The following PCDHGB2 variants were observed in gnomAD, a reference collection of about 807,000 sequenced individuals.
The protein encoded by PCDHGB2 is protocadherin gamma-B2.
In PCDHGB2, 55 loss-of-function variants were observed where a neutral mutation model predicts 59.3. That is an observed-to-expected ratio of 0.93 (90% CI 0.75 to 1.16). The LOEUF (loss-of-function observed/expected upper bound fraction) is 1.16, where lower values mean the gene tolerates loss of function less well. PCDHGB2 is among the 50% of genes most tolerant of loss of function. PCDHGB2 has a pLI of 0.00. For missense variants in PCDHGB2, 1,228 were observed against 1,198.5 expected, an observed-to-expected ratio of 1.02 and a Z score of -0.36; for synonymous variants, 516 against 512.0, an observed-to-expected ratio of 1.01 and a Z score of -0.11.
At chr5:141,395,121 T>C (rs773964445) in intron 1 of PCDHGB2, 1 of 1,614,192 alleles carries the variant, frequency 6.2e-7, no homozygotes, top group East Asian at 2.2e-5. Flanking sequence ...TCACCTGATC[T>C]TTCCCCAGCC....
chr5:141,376,073 G>T, intron 1 of PCDHGB2: 6 of 1,613,508 alleles, frequency 3.7e-6, no homozygotes, highest in South Asian at 1.1e-5. Context: ...CACCGTGGCC[G>T]TGGCCGACAG....
At chr5:141,363,170 G>A (rs1375062586) in intron 1 of PCDHGB2, among the ~76,000 whole-genome samples, 1 of 152,186 alleles carries the variant, frequency 6.6e-6, no homozygotes, top group Non-Finnish European at 1.5e-5. Context: ...TCTCTAACAT[G>A]CATTTTAACA....
chr5:141,494,901 G>C, intron 2 of PCDHGB2, 36 bp downstream of exon 2: 1 of 1,614,050 alleles, frequency 6.2e-7, no homozygotes, highest in Non-Finnish European at 8.5e-7. Context: ...CCTCTTCTCT[G>C]CGGCATTTTC....
intron 1 of PCDHGB2, among the ~76,000 whole-genome samples, chr5:141,425,059 G>A (rs1056925377): frequency 3.3e-5 from 5 of 152,110 alleles, no homozygotes; most frequent in Non-Finnish European, 7.4e-5. Flanking sequence ...CTAGGGCTCG[G>A]ACAAAAATAA....
chr5:141,383,111 G>A (rs1778825572), intron 1 of PCDHGB2: 3 of 1,614,040 alleles, frequency 1.9e-6, no homozygotes, highest in Non-Finnish European at 2.5e-6. Context: ...TCCAGAGGTA[G>A]GACGCAGCTT....
At chr5:141,385,375 T>C (rs1781162127) in intron 1 of PCDHGB2, 2 of 1,523,626 alleles carry the variant, frequency 1.3e-6, no homozygotes, top group South Asian at 1.3e-5. Context: ...GCATGATATT[T>C]CTCTATTATT....
chr5:141,378,080 AT>A (rs1360120738), intron 1 of PCDHGB2: 30 of 152,322 alleles, frequency 2.0e-4, no homozygotes, highest in African/African-American at 7.2e-4. Flanking sequence ...AAATAATTTT[AT>A]AACTTTTTTT....
At chr5:141,428,141 G>C (rs1314061143) in intron 1 of PCDHGB2, 2 of 1,596,500 alleles carry the variant, frequency 1.3e-6, no homozygotes, top group African/African-American at 2.7e-5. Context: ...GCCTGGGGCT[G>C]CACACGGGAA....
Position 141,360,115 on chromosome 5 carries a change from AG to A in PCDHGB2, c.-19del. 1 of 1,568,846 alleles carries A rather than the reference AG, an allele frequency of 6.4e-7. No individual in the cohort carries two copies. The highest frequency in any genetic ancestry group is 8.7e-7 in the Non-Finnish European group (1 of 1,155,730). ...GAAGGCTTATTCCTCCTATGGGCAA[AG>A]GAGCAAAGGGAGCCAGAAGATGAAA... On this transcript the variant is annotated 5_prime_UTR_variant, in exon 1 of 4. Transcript: ENST00000522605.
intron 1 of PCDHGB2, among the ~76,000 whole-genome samples, chr5:141,436,162 G>A (rs1036923915): frequency 2.6e-5 from 4 of 152,142 alleles, no homozygotes; most frequent in African/African-American, 7.2e-5. Flanking sequence ...TTTATCATAT[G>A]GACAGTTCTC....
chr5:141,414,052 T>C, intron 1 of PCDHGB2: 1 of 1,610,346 alleles, frequency 6.2e-7, no homozygotes, highest in Non-Finnish European at 8.5e-7. Flanking sequence ...TGACACGCAA[T>C]TGTTGAAGTT....
intron 1 of PCDHGB2, chr5:141,408,083 C>A: frequency 7.1e-7 from 1 of 1,414,576 alleles, no homozygotes; most frequent in Non-Finnish European, 9.3e-7. Flanking sequence ...CCCAGCACAG[C>A]GGATTGCCAG....
chr5:141,494,556 T>C (rs909822734), intron 1 of PCDHGB2, among the ~76,000 whole-genome samples: 18 of 152,120 alleles, frequency 1.2e-4, no homozygotes, highest in African/African-American at 4.3e-4. Context: ...GCCATTTCTT[T>C]AGGAAAGGAG....
chr5:141,376,348 C>T (rs1293667748), intron 1 of PCDHGB2: 6 of 1,614,184 alleles, frequency 3.7e-6, no homozygotes, highest in Non-Finnish European at 4.2e-6. Context: ...CCTATTCCCA[C>T]GAGGTCTCAC....
At position 141,485,656 on chromosome 5, in the gene PCDHGB2, T is replaced by C. The variant is rs147216126; in HGVS notation, c.2422-9151T>C. On this transcript the variant is annotated intron_variant, in intron 1 of 3. Coordinates refer to ENST00000522605, the MANE Select transcript of PCDHGB2 (RefSeq NM_018923.3). This position sits in a 1 kb window ranked among gnomAD's most constrained non-coding sequence, Gnocchi z 5.7. ...CGTTGGAAAAGGCTCAGGATGCAGA[T>C]GTGGGGAGCAATTCGATTAGCAGCT... 23 of 1,612,648 alleles carry C rather than the reference T, an allele frequency of 1.4e-5. No homozygotes were observed. The African/African-American group carries it at 2.8e-4, about 20-fold the overall frequency.
In PCDHGB2 at chr5:141,430,950, T is replaced by A. The variant is rs756423770; in HGVS notation, c.2422-63857T>A. 7 of 1,609,862 alleles carry A rather than the reference T, an allele frequency of 4.3e-6. No individual in the cohort carries two copies. Among genetic ancestry groups the A allele is most frequent in the Non-Finnish European group, 5.1e-6 (6 of 1,178,368 alleles). On this transcript the variant is annotated intron_variant, in intron 1 of 3. Transcript: ENST00000522605. ...CCCCGGGAGCTCGCGGAGCGCGGAG[T>A]CCGCATCATCCCCAGAGGTAGGACG... is the stretch of plus-strand genomic sequence containing the variant.
At chr5:141,408,266 C>G in intron 1 of PCDHGB2, 1 of 1,608,708 alleles carries the variant, frequency 6.2e-7, no homozygotes, top group Non-Finnish European at 8.5e-7. Flanking sequence ...TCCTTTGCTG[C>G]TGCCTTTGTT....
chr5:141,438,152 G>A (rs184819165), intron 1 of PCDHGB2, among the ~76,000 whole-genome samples: 1 of 152,250 alleles, frequency 6.6e-6, no homozygotes, highest in African/African-American at 2.4e-5. Flanking sequence ...CCAGCCTATG[G>A]CAAAGCTAAT....
Position 141,422,656 on chromosome 5 carries a change from G to T in PCDHGB2, c.2421+60100G>T, listed in dbSNP as rs759548203. The T allele has an allele frequency of 7.5e-6, 12 of 1,609,898 alleles. 1 individual carries two copies. The African/African-American group carries it at 1.1e-4, about 14-fold the overall frequency. On this transcript the variant is annotated intron_variant, in intron 1 of 3. Transcript: ENST00000522605. The stretch of plus-strand genomic sequence containing the variant: ...GGGTGCCTCCATCTTCTCAGTGACC[G>T]CCCTCGACCCGGACAGCAAACAGAA...
Sources: gnomAD v4.1 joint callset for allele counts (sites outside exome capture counted in the v4.1 genomes callset) on GRCh38, gnomAD v4.1.1 for gene constraint, Gnocchi (gnomAD v3.1) non-coding constraint, MANE v1.5 for transcripts, NCBI Gene and HGNC (gene_info 2026-07-23, HGNC 2026-07-21) for gene names.